Variants in LRBA observed in about 807,000 individuals in gnomAD.
The protein encoded by LRBA is lipopolysaccharide-responsive and beige-like anchor protein.
In LRBA, 176 loss-of-function variants were observed where a neutral mutation model predicts 330.0. That is an observed-to-expected ratio of 0.53 (90% CI 0.47 to 0.60). The LOEUF is 0.60. Ranked by LOEUF, LRBA falls within the 20% of genes least tolerant of loss-of-function variation. The probability of loss-of-function intolerance (pLI) is 0.00; values close to 1 mark genes in which losing one functional copy is unlikely to be tolerated. For synonymous variants in LRBA, 1,230 were observed against 1,193.0 expected, an observed-to-expected ratio of 1.03 and a Z score of -0.64; for missense variants, 3,259 against 3,444.8, an observed-to-expected ratio of 0.95 and a Z score of 1.35.
At chr4:150,405,758 A>G (rs972347474) in intron 47 of LRBA, among the ~76,000 whole-genome samples, 69 of 152,186 alleles carry the variant, frequency 4.5e-4, no homozygotes, top group African/African-American at 1.5e-3. Flanking sequence ...GTAAATTGTC[A>G]TAATTTAAAA....
chr4:150,966,813 G>A (rs1738954255), intron 2 of LRBA, among the ~76,000 whole-genome samples: 1 of 152,134 alleles, frequency 6.6e-6, no homozygotes, highest in Non-Finnish European at 1.5e-5. Flanking sequence ...ACTATTGCAT[G>A]TCATCCATCA....
At chr4:150,658,118 G>A (rs1352332064) in intron 37 of LRBA, among the ~76,000 whole-genome samples, 1 of 151,904 alleles carries the variant, frequency 6.6e-6, no homozygotes. Context: ...GACTAACTAC[G>A]GGACCCTGAC....
chr4:150,591,208 A>G (rs575182661), intron 38 of LRBA, among the ~76,000 whole-genome samples: 2 of 152,328 alleles, frequency 1.3e-5, no homozygotes, highest in African/African-American at 2.4e-5. Context: ...TTTTGGAAAC[A>G]ATATTTAACA....
intron 30 of LRBA, among the ~76,000 whole-genome samples, chr4:150,822,504 C>G (rs112284178): frequency 6.6e-6 from 1 of 152,238 alleles, no homozygotes; most frequent in East Asian, 1.9e-4. Flanking sequence ...CAGTGGCTCA[C>G]GCCTGGAATC....
chr4:150,430,476 T>A (rs543568934), intron 46 of LRBA, among the ~76,000 whole-genome samples: 77 of 152,248 alleles, frequency 5.1e-4, no homozygotes, highest in Non-Finnish European at 1.0e-3. Context: ...AGACGCTGTA[T>A]CCATGAGCCC....
chr4:150,782,099 G>C (rs1350203066), intron 34 of LRBA, among the ~76,000 whole-genome samples: 2 of 151,988 alleles, frequency 1.3e-5, no homozygotes, highest in Non-Finnish European at 2.9e-5. Flanking sequence ...TAGAAACAGG[G>C]TTTTACCATG....
intron 2 of LRBA, among the ~76,000 whole-genome samples, chr4:150,950,355 A>G (rs895284417): frequency 1.3e-5 from 2 of 152,274 alleles, no homozygotes; most frequent in Non-Finnish European, 2.9e-5. Flanking sequence ...GTTTATGTTT[A>G]TAAGTGTTTA....
chr4:150,925,456 G>A (rs1176183039), intron 4 of LRBA, among the ~76,000 whole-genome samples: 1 of 152,166 alleles, frequency 6.6e-6, no homozygotes, highest in Non-Finnish European at 1.5e-5. Context: ...ACTGGATACA[G>A]GTAAAATTAA....
Position 150,891,387 on chromosome 4 carries a change from G to A in LRBA, c.2165+1665C>T, listed in dbSNP as rs559500165. Among the ~76,000 whole-genome samples, 7 of 152,188 alleles carry A rather than the reference G, an allele frequency of 4.6e-5. No homozygotes were observed. The South Asian group carries it at 6.2e-4, about 14-fold the overall frequency. ...TACCTCTTACAATGCTTAACTTTATGTGTCAACTGGGCTAGGCCATGGTAT... is the reference window on the plus strand; with the variant it reads ...TACCTCTTACAATGCTTAACTTTATATGTCAACTGGGCTAGGCCATGGTAT... On this transcript the variant is annotated intron_variant, in intron 17 of 56. Coordinates refer to ENST00000651943, the MANE Select transcript of LRBA (RefSeq NM_001364905.1).
At chr4:150,809,843 G>A (rs1578854692) in intron 31 of LRBA, among the ~76,000 whole-genome samples, 2 of 149,076 alleles carry the variant, frequency 1.3e-5, no homozygotes, top group African/African-American at 2.5e-5. Flanking sequence ...GCAAGACCCT[G>A]TCTTAAAATA....
At position 150,265,652 on chromosome 4, in the gene LRBA, G is replaced by T; in HGVS notation, c.*70C>A. 1 of 981,902 alleles carries T rather than the reference G, an allele frequency of 1.0e-6. No individual in the cohort carries two copies. Among genetic ancestry groups the T allele is most frequent in the Non-Finnish European group, 1.7e-6 (1 of 605,448 alleles). 60.8% of individuals were successfully genotyped at this position (981,902 alleles called of 1,614,324 possible). On this transcript the variant is annotated 3_prime_UTR_variant, in exon 57 of 57. Transcript: ENST00000651943. Reference sequence around the variant, plus strand: ...GCAAATTTAAGTTACATTCAGATGTGGTAGAAGAGAATGATGCTCCAGGTA... The same window carrying T: ...GCAAATTTAAGTTACATTCAGATGTTGTAGAAGAGAATGATGCTCCAGGTA...
At position 150,419,782 on chromosome 4, in the gene LRBA, C is replaced by T. The variant is rs535810020; in HGVS notation, c.7042-4192G>A. ...CTTCCTTAGTAGCTGAGATTATAGGCGCCTGTAACCATACCAGGTTAATTT... is the reference window on the plus strand; with the variant it reads ...CTTCCTTAGTAGCTGAGATTATAGGTGCCTGTAACCATACCAGGTTAATTT... On this transcript the variant is annotated intron_variant, in intron 46 of 56. Coordinates refer to ENST00000651943, the MANE Select transcript of LRBA (RefSeq NM_001364905.1). 4.6e-5 allele frequency among the ~76,000 whole-genome samples: 7 copies of T among 150,964 alleles called. No individual in the cohort carries two copies. The South Asian group carries it at 1.0e-3, about 22-fold the overall frequency.
intron 17 of LRBA, among the ~76,000 whole-genome samples, chr4:150,882,086 C>T (rs1392993342): frequency 2.2e-5 from 3 of 135,540 alleles, no homozygotes. Flanking sequence ...AACTCTGTCT[C>T]AAAAAAAAAA....
intron 2 of LRBA, among the ~76,000 whole-genome samples, chr4:150,949,404 C>T (rs534683408): frequency 2.6e-5 from 4 of 151,874 alleles, no homozygotes; most frequent in Middle Eastern, 6.8e-3. Flanking sequence ...TTGGTGGTTG[C>T]CAGGGGTTAA....
intron 17 of LRBA, among the ~76,000 whole-genome samples, chr4:150,879,422 A>T (rs1728127427): frequency 1.3e-5 from 2 of 152,158 alleles, no homozygotes; most frequent in African/African-American, 4.8e-5. Context: ...TATTAAACAG[A>T]CAAAAACAGG....
chr4:150,924,259 C>T (rs1733630853), intron 4 of LRBA, among the ~76,000 whole-genome samples: 1 of 152,164 alleles, frequency 6.6e-6, no homozygotes, highest in East Asian at 1.9e-4. Context: ...CATCTGTAAT[C>T]TCAACACTTT....
chr4:150,918,153 C>A (rs1314945269), intron 5 of LRBA, among the ~76,000 whole-genome samples: 1 of 151,896 alleles, frequency 6.6e-6, no homozygotes, highest in Non-Finnish European at 1.5e-5. Context: ...CTTTAAGGAA[C>A]ACCATCAAAA....
intron 47 of LRBA, among the ~76,000 whole-genome samples, chr4:150,362,914 A>G (rs1277369190): frequency 1.3e-5 from 2 of 152,084 alleles, no homozygotes; most frequent in East Asian, 3.8e-4. Flanking sequence ...TCAGCCTGGC[A>G]GCCTGGCAGC....
intron 9 of LRBA, among the ~76,000 whole-genome samples, chr4:150,910,270 A>G (rs2149481212): frequency 6.6e-6 from 1 of 152,256 alleles, no homozygotes; most frequent in South Asian, 2.1e-4. Context: ...GTATTCTTTT[A>G]GGAGTTTTAT....
Sources: gnomAD v4.1 joint callset for allele counts (sites outside exome capture counted in the v4.1 genomes callset) on GRCh38, gnomAD v4.1.1 for gene constraint, MANE v1.5 for transcripts, NCBI Gene and HGNC (gene_info 2026-07-23, HGNC 2026-07-21) for gene names.